Variants in PCDHA5 observed in about 807,000 individuals in gnomAD.
The protein encoded by PCDHA5 is protocadherin alpha-5.
Under a neutral mutation model 61.6 loss-of-function variants are expected in PCDHA5, and 43 were observed. The observed-to-expected ratio is 0.70, with a 90% CI of 0.55 to 0.90. The LOEUF (loss-of-function observed/expected upper bound fraction) is 0.90, where lower values mean the gene tolerates loss of function less well. PCDHA5 is among the 40% of genes least tolerant of loss of function. The pLI, the probability that PCDHA5 is intolerant of heterozygous loss-of-function variation, is 0.00. For missense variants in PCDHA5, 1,298 were observed against 1,222.7 expected (o/e 1.06, Z -0.92); for synonymous variants, 627 against 543.9 (o/e 1.15, Z -2.13).
At chr5:140,891,937 C>G (rs1168665111) in intron 1 of PCDHA5, among the ~76,000 whole-genome samples, 3 of 152,166 alleles carry the variant, frequency 2.0e-5, no homozygotes, top group Admixed American at 2.0e-4. Context: ...CTTGGACTTC[C>G]CCTAGGCTCC....
chr5:140,963,570 G>A (rs1011231723), intron 1 of PCDHA5, among the ~76,000 whole-genome samples: 6 of 152,180 alleles, frequency 3.9e-5, no homozygotes, highest in African/African-American at 1.2e-4. Flanking sequence ...TTCTGGTTTT[G>A]TTCTCAAAAT....
intron 1 of PCDHA5, chr5:140,930,101 G>A (rs782338185): frequency 9.2e-5 from 14 of 152,094 alleles, no homozygotes; most frequent in Non-Finnish European, 1.6e-4. Context: ...TATACTGATA[G>A]GAGATCATAT....
intron 1 of PCDHA5, among the ~76,000 whole-genome samples, chr5:140,833,364 G>T (rs1298324769): frequency 1.3e-5 from 2 of 152,118 alleles, no homozygotes; most frequent in Non-Finnish European, 2.9e-5. Flanking sequence ...AACACAGTAA[G>T]GTAGATCCAA....
chr5:140,916,602 C>T (rs1554197542), intron 1 of PCDHA5, among the ~76,000 whole-genome samples: 2 of 152,240 alleles, frequency 1.3e-5, no homozygotes, highest in African/African-American at 2.4e-5. Context: ...GCCTGGAATG[C>T]GGGCCTCATG....
intron 1 of PCDHA5, among the ~76,000 whole-genome samples, chr5:140,924,534 C>G (rs1488047727): frequency 1.3e-5 from 2 of 152,134 alleles, no homozygotes; most frequent in African/African-American, 2.4e-5. Context: ...AATGCCCGAG[C>G]TACCCCTCTC....
At chr5:140,990,737 C>T (rs2097410697) in intron 3 of PCDHA5, among the ~76,000 whole-genome samples, 1 of 152,162 alleles carries the variant, frequency 6.6e-6, no homozygotes, top group African/African-American at 2.4e-5. Context: ...ATCAACAGCC[C>T]TAGGGTGGAT....
At chr5:140,861,658 G>C (rs913348410) in intron 1 of PCDHA5, 1 of 269,114 alleles carries the variant, frequency 3.7e-6, no homozygotes, top group Non-Finnish European at 7.4e-6. Flanking sequence ...TTTCTGAAAC[G>C]AGAGCTCTTG....
At chr5:140,826,404 G>T (rs1027419773) in intron 1 of PCDHA5, among the ~76,000 whole-genome samples, 2 of 152,092 alleles carry the variant, frequency 1.3e-5, no homozygotes, top group Non-Finnish European at 2.9e-5. Context: ...ATAGATCCAG[G>T]TTAATTATTT....
chr5:140,829,819 A>C (rs2150175411), intron 1 of PCDHA5: 2 of 1,613,876 alleles, frequency 1.2e-6, no homozygotes, highest in Admixed American at 3.3e-5. Flanking sequence ...CTGGTGGTGC[A>C]GTGAGCGAGC....
intron 1 of PCDHA5, among the ~76,000 whole-genome samples, chr5:140,886,777 G>A (rs2061124221): frequency 1.4e-5 from 2 of 140,408 alleles, no homozygotes; most frequent in South Asian, 4.7e-4. Flanking sequence ...AGTGAGATGA[G>A]ATCATGCTAC....
rs190183922 is a variant in PCDHA5, at chr5:140,912,839, T to C, written c.2353-66110T>C. ...AGGGATTTTGAATTTTATTAAATGC[T>C]TTTTCAGCATCAATTGAAATGATAT... On this transcript the variant is annotated intron_variant, in intron 1 of 3. Coordinates refer to ENST00000529859, the MANE Select transcript of PCDHA5 (RefSeq NM_018908.3). Among the ~76,000 whole-genome samples the C allele has an allele frequency of 6.6e-5, 10 of 152,356 alleles. No individual in the cohort carries two copies. In the East Asian group the frequency reaches 1.9e-3, roughly 29 times the overall value.
At chr5:140,876,597 G>A in intron 1 of PCDHA5, 1 of 1,614,160 alleles carries the variant, frequency 6.2e-7, no homozygotes, top group Non-Finnish European at 8.5e-7. Flanking sequence ...TTAGCGTGTC[G>A]GATCGTGACT....
At chr5:140,956,474 C>G (rs1585669580) in intron 1 of PCDHA5, among the ~76,000 whole-genome samples, 1 of 152,160 alleles carries the variant, frequency 6.6e-6, no homozygotes, top group East Asian at 1.9e-4. Flanking sequence ...ATATGTTGAA[C>G]CAGTCTTGCA....
At chr5:140,929,357 G>A (rs1554207016) in intron 1 of PCDHA5, 14 of 1,523,448 alleles carry the variant, frequency 9.2e-6, no homozygotes, top group Non-Finnish European at 1.2e-5. Flanking sequence ...TGATTCCTTT[G>A]GCCCGGAGAT....
intron 1 of PCDHA5, among the ~76,000 whole-genome samples, chr5:140,951,086 T>A (rs2094547457): frequency 6.6e-6 from 1 of 152,066 alleles, no homozygotes; most frequent in Admixed American, 6.5e-5. Context: ...ATTTTCCTTT[T>A]TTTCTGATAA....
At chr5:140,883,003 C>A in intron 1 of PCDHA5, 5 of 1,614,050 alleles carry the variant, frequency 3.1e-6, no homozygotes, top group Non-Finnish European at 4.2e-6. Flanking sequence ...TTTACCAATC[C>A]GTTTATAAAG....
chr5:140,981,260 T>C (rs975813904), intron 2 of PCDHA5, among the ~76,000 whole-genome samples: 11 of 152,324 alleles, frequency 7.2e-5, no homozygotes, highest in African/African-American at 2.4e-4. Flanking sequence ...ACTTTCAAGA[T>C]AAGCAAATGT....
chr5:140,841,535 C>A (rs146057065), intron 1 of PCDHA5: 5 of 1,613,548 alleles, frequency 3.1e-6, no homozygotes, highest in African/African-American at 1.3e-5. Flanking sequence ...CAAAAGACAC[C>A]GGGACCTTCT....
intron 1 of PCDHA5, chr5:140,834,259 ACT>A: frequency 1.0e-6 from 1 of 957,536 alleles, no homozygotes; most frequent in Non-Finnish European, 1.6e-6. Context: ...AAGACGCTCC[ACT>A]CTCTTTCACT....
Sources: allele counts gnomAD v4.1 joint callset (sites outside exome capture counted in the v4.1 genomes callset), GRCh38; gene constraint gnomAD v4.1.1; transcripts MANE v1.5; gene names NCBI Gene and HGNC (gene_info 2026-07-23, HGNC 2026-07-21).